The following PLG variants were observed in gnomAD, a reference collection of about 807,000 sequenced individuals.
The protein encoded by PLG is plasminogen.
Under a neutral mutation model 104.4 loss-of-function variants are expected in PLG, and 41 were observed. The ratio of observed to expected loss-of-function variants is 0.39; its 90% CI spans 0.31 to 0.51. The LOEUF (loss-of-function observed/expected upper bound fraction) is 0.51. Ranked by LOEUF, PLG falls within the 20% of genes least tolerant of loss-of-function variation. The probability of loss-of-function intolerance (pLI) is 0.76; values close to 1 mark genes in which losing one functional copy is unlikely to be tolerated. For synonymous variants in PLG, 337 were observed against 357.1 expected, an observed-to-expected ratio of 0.94 and a Z score of 0.63; for missense variants, 891 against 1,003.6, an observed-to-expected ratio of 0.89 and a Z score of 1.52.
chr6:160,733,846 G>GAAAAAAAAA (rs10540264), intron 12 of PLG, 149 bp from the exon 13 acceptor site: 8 of 349,850 alleles, frequency 2.3e-5, no homozygotes, highest in African/African-American at 1.8e-4. Context: ...CTCCACCTCA[G>GAAAAAAAAA]AAAAAAAAAA....
rs1582941311 is a variant in PLG, at chr6:160,725,103, A to G, written c.1256+2536A>G. 6.6e-6 allele frequency among the ~76,000 whole-genome samples: 1 copy of G among 151,972 alleles called. No homozygotes were observed. The highest frequency in any genetic ancestry group is 2.4e-5 in the African/African-American group (1 of 41,388). On this transcript the variant is annotated intron_variant, in intron 10 of 18. Coordinates refer to ENST00000308192, the MANE Select transcript of PLG (RefSeq NM_000301.5). This position sits in a 1 kb window ranked among gnomAD's most constrained non-coding sequence, Gnocchi z 6.3. Reference sequence around the variant, plus strand: ...GGTGGCACGTGCCTGTAATCCCAGCAACTCAGGAGGCTGAGGCAGGAGAAT... The same window carrying G: ...GGTGGCACGTGCCTGTAATCCCAGCGACTCAGGAGGCTGAGGCAGGAGAAT...
In PLG at chr6:160,752,268, A is replaced by G. The variant is rs942158492; in HGVS notation, c.2271+8A>G. 1.9e-6 allele frequency: 3 copies of G among 1,613,494 alleles called. No homozygotes were observed. The African/African-American group carries it at 4.0e-5, about 22-fold the overall frequency. ...GGCACTGACAGTTGCCAGGTAAGCA[A>G]AGATCAAGAGACCAAAGTTAGTCTT... On this transcript the variant is annotated splice_region_variant and intron_variant, in intron 18 of 18. Transcript: ENST00000308192. The surrounding 1 kb of genome is among the most constrained non-coding windows in gnomAD (Gnocchi z 4.7).
chr6:160,748,792 G>A (rs1035877454), intron 17 of PLG, among the ~76,000 whole-genome samples: 1 of 152,188 alleles, frequency 6.6e-6, no homozygotes, highest in African/African-American at 2.4e-5. Flanking sequence ...ACATTCTCGT[G>A]GCTGCAGATG....
At chr6:160,712,276 C>G (rs1777658130) in intron 4 of PLG, 1 of 157,708 alleles carries the variant, frequency 6.3e-6, no homozygotes. Context: ...CCTTTCTAGA[C>G]TGTAAGTCTT....
At position 160,722,423 on chromosome 6, in the gene PLG, C is replaced by G. The variant is rs780940385; in HGVS notation, c.1112C>G (p.Thr371Ser). Residue 371 changes from threonine to serine, a missense_variant, in exon 10 of 19, where the codon ACC (threonine) becomes AGC (serine). Thr to Ser is a moderately conservative substitution (Grantham distance 58, BLOSUM62 1). This residue lies in a region of PLG where 854 missense variants were observed against 932.1 expected (regional missense o/e 0.92). Coordinates refer to ENST00000308192, the MANE Select transcript of PLG (RefSeq NM_000301.5). ...QLAPTAPPEL[T>S]PVVQDCYHGD... ...TTAATTTCAGCACCACCTGAGCTAA[C>G]CCCTGTGGTCCAGGACTGCTACCAT... is the stretch of plus-strand genomic sequence containing the variant. 1.9e-6 allele frequency: 3 copies of G among 1,611,854 alleles called. No individual in the cohort carries two copies. In the South Asian group the frequency reaches 3.3e-5, roughly 18 times the overall value.
rs916381791 is a variant in PLG at position 160,734,776 on chromosome 6, A to G, written c.1681+688A>G. Among the ~76,000 whole-genome samples the G allele has an allele frequency of 3.3e-5, 5 of 151,354 alleles. No individual in the cohort carries two copies. Among genetic ancestry groups the G allele is most frequent in the African/African-American group, 1.2e-4 (5 of 41,116 alleles). On this transcript the variant is annotated intron_variant, in intron 13 of 18. Coordinates refer to ENST00000308192, the MANE Select transcript of PLG (RefSeq NM_000301.5). This position sits in a 1 kb window ranked among gnomAD's most constrained non-coding sequence, Gnocchi z 4.4. ...AAAAAAAAAAAAAAGAAAGGAAGCT[A>G]CTTGGAATTGTCCCATATTTAACAT...
intron 17 of PLG, among the ~76,000 whole-genome samples, chr6:160,746,828 C>G (rs1411559509): frequency 1.3e-5 from 2 of 152,142 alleles, no homozygotes; most frequent in Non-Finnish European, 2.9e-5. Flanking sequence ...GATTTCTTGT[C>G]TTTGGTTTCA....
At chr6:160,712,772 C>T (rs540721435) in intron 4 of PLG, among the ~76,000 whole-genome samples, 1 of 152,292 alleles carries the variant, frequency 6.6e-6, no homozygotes, top group South Asian at 2.1e-4. Context: ...TAAGACTTGG[C>T]TGTCACAGTA....
chr6:160,722,478 C>T lies in PLG; in HGVS notation c.1167C>T (p.Ser389=), dbSNP rs372689013. 16 of 1,612,392 alleles carry T rather than the reference C, an allele frequency of 9.9e-6. No individual in the cohort carries two copies. The African/African-American group carries it at 1.6e-4, about 16-fold the overall frequency. ...ATGGACAGAGCTACCGAGGCACATCCTCCACCACCACCACAGGAAAGAAGT... is the reference window on the plus strand; with the variant it reads ...ATGGACAGAGCTACCGAGGCACATCTTCCACCACCACCACAGGAAAGAAGT... ...HGDGQSYRGT[S]STTTTGKKCQ... is the part of the protein sequence containing the mutation. The change falls in exon 10 of 19, where the codon TCC becomes TCT. Residue 389 remains serine, a synonymous_variant. Transcript: ENST00000308192.
chr6:160,733,869 G>C, intron 12 of PLG, 126 bp from the exon 13 acceptor site: 1 of 348,030 alleles, frequency 2.9e-6, no homozygotes, highest in Non-Finnish European at 5.5e-6. Flanking sequence ...AAAAAAAAAA[G>C]AAGGAAGGAA....
intron 1 of PLG, among the ~76,000 whole-genome samples, chr6:160,703,577 A>T (rs1330761643): frequency 6.6e-6 from 1 of 152,236 alleles, no homozygotes; most frequent in Non-Finnish European, 1.5e-5. Flanking sequence ...TCAATCTATA[A>T]ATTACCAGAT....
At position 160,714,876 on chromosome 6, in the gene PLG, C is replaced by A. The variant is rs1777704467; in HGVS notation, c.630C>A (p.Asp210Glu). The change falls in exon 6 of 19, where the codon GAC (aspartate) becomes GAA (glutamate). Residue 210 changes from aspartate to glutamate, a missense_variant. Physicochemically the swap from Asp to Glu is conservative, Grantham distance 45 (BLOSUM62 2). Coordinates refer to ENST00000308192, the MANE Select transcript of PLG (RefSeq NM_000301.5). ...TMSGLECQAW[D>E]SQSPHAHGYI... The stretch of plus-strand genomic sequence containing the variant: ...CTGGACTGGAATGCCAGGCCTGGGA[C>A]TCTCAGAGCCCACACGCTCATGGAT... 5.0e-6 allele frequency: 8 copies of A among 1,613,596 alleles called. No homozygotes were observed. Among genetic ancestry groups the A allele is most frequent in the African/African-American group, 1.3e-5 (1 of 74,906 alleles).
intron 17 of PLG, among the ~76,000 whole-genome samples, chr6:160,750,093 G>T (rs1310523522): frequency 6.6e-6 from 1 of 152,208 alleles, no homozygotes; most frequent in Non-Finnish European, 1.5e-5. Flanking sequence ...GAAGCAATGG[G>T]TGTTCTCTGC....
chr6:160,742,653 A>C (rs1184626391), intron 17 of PLG, among the ~76,000 whole-genome samples: 2 of 152,060 alleles, frequency 1.3e-5, no homozygotes, highest in African/African-American at 4.8e-5. Context: ...CTTAAGTTTA[A>C]TTAGATCCCA....
At chr6:160,750,608 T>C (rs759246046) in intron 17 of PLG, among the ~76,000 whole-genome samples, 10 of 152,202 alleles carry the variant, frequency 6.6e-5, no homozygotes, top group Non-Finnish European at 8.8e-5. Context: ...TCTGCCCAGA[T>C]AGGGCTGAGC....
At chr6:160,743,666 G>A (rs1778232365) in intron 17 of PLG, among the ~76,000 whole-genome samples, 1 of 152,138 alleles carries the variant, frequency 6.6e-6, no homozygotes, top group South Asian at 2.1e-4. Flanking sequence ...TCTCTTGCCT[G>A]ATTGCTCTGA....
rs759541442 is a variant in PLG, at chr6:160,732,152, T to C, written c.1587+259T>C. Among the ~76,000 whole-genome samples, 5 of 152,212 alleles carry C rather than the reference T, an allele frequency of 3.3e-5. No homozygotes were observed. Among genetic ancestry groups the C allele is most frequent in the Non-Finnish European group, 7.3e-5 (5 of 68,032 alleles). On this transcript the variant is annotated intron_variant, in intron 12 of 18. Transcript: ENST00000308192. The surrounding 1 kb of genome is among the most constrained non-coding windows in gnomAD (Gnocchi z 4.5). ...GGCCTCTTCCCTTTAGTGACATTTCTTTAAAGTTTCCATTATTGGGGACTG... is the reference window on the plus strand; with the variant it reads ...GGCCTCTTCCCTTTAGTGACATTTCCTTAAAGTTTCCATTATTGGGGACTG...
At chr6:160,747,719 A>T (rs748096905) in intron 17 of PLG, among the ~76,000 whole-genome samples, 1 of 152,152 alleles carries the variant, frequency 6.6e-6, no homozygotes, top group Non-Finnish European at 1.5e-5. Context: ...CCTACTATTT[A>T]AAAACTTTAC....
rs1455308495 is a variant in PLG at position 160,735,896 on chromosome 6, T to TA, written c.1682-991_1682-990insA. ...TGCATTCTATGCCTTGCTTCTTTTT[T>TA]TAAAAAAAGGCTTCCATAGATAGAT... On this transcript the variant is annotated intron_variant, in intron 13 of 18. Transcript: ENST00000308192. This position sits in a 1 kb window ranked among gnomAD's most constrained non-coding sequence, Gnocchi z 5.4. Among the ~76,000 whole-genome samples the TA allele has an allele frequency of 2.4e-4, 37 of 152,026 alleles. No individual in the cohort carries two copies. Among genetic ancestry groups the TA allele is most frequent in the Admixed American group, 3.9e-4 (6 of 15,276 alleles).
Sources: allele counts gnomAD v4.1 joint callset (sites outside exome capture counted in the v4.1 genomes callset), GRCh38; gene constraint gnomAD v4.1.1; regional missense constraint gnomAD v4.1.1; non-coding constraint Gnocchi (gnomAD v3.1); transcripts MANE v1.5; gene names NCBI Gene and HGNC (gene_info 2026-07-23, HGNC 2026-07-21).